The following HMCN1 variants were observed in gnomAD, a reference collection of about 807,000 sequenced individuals.
HMCN1 encodes the protein hemicentin-1.
A neutral mutation model predicts 625.9 loss-of-function variants in HMCN1; 321 were observed. The observed-to-expected ratio is 0.51, with a 90% confidence interval of 0.47 to 0.56. The LOEUF (loss-of-function observed/expected upper bound fraction) is 0.56. HMCN1 is among the 20% of genes least tolerant of loss of function. The pLI, the probability that HMCN1 is intolerant of heterozygous loss-of-function variation, is 0.00. For missense variants in HMCN1, 6,588 were observed against 6,887.3 expected (o/e 0.96, Z 1.54); for synonymous variants, 2,425 against 2,417.6 (o/e 1.00, Z -0.09).
intron 75 of HMCN1, 77 bp downstream of exon 75, chr1:186,115,491 G>C: frequency 3.0e-6 from 4 of 1,345,440 alleles, no homozygotes. Context: ...CTATCAGTGG[G>C]GTCAGCAAAT....
At chr1:186,062,097 T>G (rs1209664427) in intron 47 of HMCN1, 133 bp downstream of exon 47, 2 of 621,482 alleles carry the variant, frequency 3.2e-6, no homozygotes, top group African/African-American at 3.7e-5. Flanking sequence ...TTGGCAAGAA[T>G]TCAATATCAG....
intron 40 of HMCN1, among the ~76,000 whole-genome samples, chr1:186,041,660 C>T (rs577299889): frequency 6.6e-6 from 1 of 152,258 alleles, no homozygotes; most frequent in African/African-American, 2.4e-5. Context: ...AGGGAATGCC[C>T]GATCCCATCA....
At chr1:185,867,044 T>C (rs929287653) in intron 4 of HMCN1, among the ~76,000 whole-genome samples, 1 of 152,174 alleles carries the variant, frequency 6.6e-6, no homozygotes, top group African/African-American at 2.4e-5. Context: ...AGTTCTCTTA[T>C]AGCTAAAGAG....
At chr1:186,180,993 T>C (rs998422077) in intron 104 of HMCN1, among the ~76,000 whole-genome samples, 1 of 152,124 alleles carries the variant, frequency 6.6e-6, no homozygotes. Context: ...TGGGCTAAAG[T>C]TTAGTTTTTG....
intron 49 of HMCN1, among the ~76,000 whole-genome samples, chr1:186,066,126 G>A (rs1298160686): frequency 6.6e-6 from 1 of 152,046 alleles, no homozygotes; most frequent in Non-Finnish European, 1.5e-5. Flanking sequence ...AATTGAGTAG[G>A]GGAGCTATAT....
intron 86 of HMCN1, among the ~76,000 whole-genome samples, chr1:186,135,543 C>G (rs2102530197): frequency 6.6e-6 from 1 of 152,244 alleles, no homozygotes; most frequent in East Asian, 1.9e-4. Context: ...ATATGAATGT[C>G]TTAGAGATAC....
intron 97 of HMCN1, among the ~76,000 whole-genome samples, chr1:186,164,105 C>A (rs1394058440): frequency 6.6e-6 from 1 of 152,158 alleles, no homozygotes; most frequent in African/African-American, 2.4e-5. Context: ...TAGCAATATG[C>A]CCTAGATGTT....
chr1:185,737,983 G>A (rs1161048281), intron 1 of HMCN1, among the ~76,000 whole-genome samples: 1 of 152,172 alleles, frequency 6.6e-6, no homozygotes, highest in African/African-American at 2.4e-5. Flanking sequence ...AAGAAGCGCT[G>A]TGTTGAACTA....
intron 1 of HMCN1, among the ~76,000 whole-genome samples, chr1:185,844,549 CAG>C (rs1391530170): frequency 1.6e-4 from 25 of 152,204 alleles, no homozygotes; most frequent in African/African-American, 5.5e-4. Flanking sequence ...TCTTTTTGAG[CAG>C]TATGTCTTTA....
chr1:186,134,838 T>C (rs867446243), intron 86 of HMCN1, among the ~76,000 whole-genome samples: 32 of 152,162 alleles, frequency 2.1e-4, no homozygotes, highest in African/African-American at 7.0e-4. Context: ...TCTCATCCCA[T>C]CATGCTCCTT....
At chr1:186,020,440 T>C (rs2102154837) in intron 35 of HMCN1, among the ~76,000 whole-genome samples, 1 of 152,190 alleles carries the variant, frequency 6.6e-6, no homozygotes, top group Admixed American at 6.6e-5. Flanking sequence ...TATCTGTTAA[T>C]TTTTAATTCC....
intron 15 of HMCN1, among the ~76,000 whole-genome samples, chr1:185,974,155 GCAAA>G (rs1427651243): frequency 2.0e-5 from 3 of 151,968 alleles, no homozygotes; most frequent in Admixed American, 2.0e-4. Context: ...CAAGATGCTT[GCAAA>G]CAAATACTTA....
In HMCN1 at chr1:186,086,165, C is replaced by G. The variant is rs1295805546; in HGVS notation, c.8885-81C>G. The G allele has an allele frequency of 4.0e-6, 5 of 1,256,768 alleles. No individual in the cohort carries two copies. The South Asian group carries it at 4.8e-5, about 12-fold the overall frequency. The allele number at this position is 1,256,768 out of a possible 1,614,324, so 77.9% of individuals were successfully genotyped here. A position where few individuals can be genotyped will look rare whatever the true frequency, so the allele number is the denominator to read the frequency against. On this transcript the variant is annotated intron_variant, in intron 57 of 106. Coordinates refer to ENST00000271588, the MANE Select transcript of HMCN1 (RefSeq NM_031935.3). ...GTTAACTCAGTCCTTTAGCAGAGTA[C>G]AGTGGTTGGATTTATATTTAGTAAA...
Position 185,734,591 on chromosome 1 carries a change from C to T in HMCN1, c.-189C>T. The T allele has an allele frequency of 1.6e-6, 1 of 619,874 alleles. No homozygotes were observed. Among genetic ancestry groups the T allele is most frequent in the South Asian group, 1.9e-5 (1 of 52,480 alleles). The allele number at this position is 619,874 out of a possible 1,614,324, so 38.4% of individuals were successfully genotyped here. ...CAAAAGCTGCCGCATCCCTGCCCTG[C>T]CCAACCCCTGGAGGGATTCGAGTTT... On this transcript the variant is annotated 5_prime_UTR_variant, in exon 1 of 107. Transcript: ENST00000271588.
rs774091271 is a variant in HMCN1, at chr1:185,984,227, T to C, written c.2849T>C (p.Val950Ala). The change falls in exon 19 of 107, where the codon GTT (valine) becomes GCT (alanine). Residue 950 changes from valine to alanine, a missense_variant. This residue lies in a region of HMCN1 where 4,628 missense variants were observed against 4,853.1 expected (regional missense o/e 0.95). Coordinates refer to ENST00000271588, the MANE Select transcript of HMCN1 (RefSeq NM_031935.3). The part of the protein sequence containing the change: ...RSDGSLHIER[V>A]QLQDGGEYTC... ...GATGGGAGCCTCCATATTGAAAGAG[T>C]TCAGCTTCAGGATGGTGGTGAATAT... The C allele has an allele frequency of 6.8e-6, 11 of 1,613,244 alleles. No individual in the cohort carries two copies. The highest frequency in any genetic ancestry group is 2.7e-5 in the African/African-American group (2 of 74,808).
At chr1:186,036,237 T>C (rs1655811951) in intron 36 of HMCN1, among the ~76,000 whole-genome samples, 2 of 152,154 alleles carry the variant, frequency 1.3e-5, no homozygotes, top group African/African-American at 2.4e-5. Context: ...TTTTAACCCA[T>C]TGTATTAGTC....
rs149329415 is a variant in HMCN1 at position 186,144,614 on chromosome 1, G to A, written c.14177G>A (p.Gly4726Asp). Residue 4726 changes from glycine to aspartate, a missense_variant, in exon 91 of 107, where the codon GGC becomes GAC. This residue lies in a region of HMCN1 where 1,954 missense variants were observed against 2,013.1 expected (regional missense o/e 0.97). Transcript: ENST00000271588. ...CGGGARQRTRGCSDPVPQYGG... is the reference protein window; with the variant it reads ...CGGGARQRTRDCSDPVPQYGG... ...GGAGGTGCCAGACAGAGAACAAGGG[G>A]CTGCTCCGACCCTGTGCCCCAGTAT... 1.5e-5 allele frequency: 25 copies of A among 1,614,120 alleles called. No individual in the cohort carries two copies. The African/African-American group carries it at 2.5e-4, about 16-fold the overall frequency.
At chr1:186,005,029 T>G (rs1333027000) in intron 29 of HMCN1, among the ~76,000 whole-genome samples, 2 of 152,008 alleles carry the variant, frequency 1.3e-5, no homozygotes, top group African/African-American at 4.8e-5. Flanking sequence ...ATATTAAAAC[T>G]TTAGATATCT....
intron 4 of HMCN1, among the ~76,000 whole-genome samples, chr1:185,868,216 C>G (rs922460015): frequency 1.3e-5 from 2 of 151,928 alleles, no homozygotes; most frequent in Admixed American, 1.3e-4. Flanking sequence ...ATCCACATAC[C>G]CAAGGAAAAT....
Sources: gnomAD v4.1 joint callset for allele counts (sites outside exome capture counted in the v4.1 genomes callset) on GRCh38, gnomAD v4.1.1 for gene constraint, gnomAD v4.1.1 regional missense constraint, MANE v1.5 for transcripts, NCBI Gene and HGNC (gene_info 2026-07-23, HGNC 2026-07-21) for gene names.